Variants in NOVA2 observed in about 807,000 individuals in gnomAD.
NOVA2 encodes the protein RNA-binding protein Nova-2.
Under a neutral mutation model 22.5 loss-of-function variants are expected in NOVA2, and 9 were observed. The ratio of observed to expected loss-of-function variants is 0.40; its 90% CI spans 0.24 to 0.70. The LOEUF (loss-of-function observed/expected upper bound fraction) is 0.70. Among genes scored for constraint, NOVA2 ranks in the 30% least tolerant of loss-of-function variants. NOVA2 has a pLI of 0.38. For synonymous variants in NOVA2, 318 were observed against 335.2 expected (o/e 0.95, Z 0.56); for missense variants, 383 against 682.8 (o/e 0.56, Z 4.89).
At position 45,940,137 on chromosome 19, in the gene NOVA2, G is replaced by A. The variant is rs771417065; in HGVS notation, c.1205C>T (p.Ala402Val). ...GGFLTAEKLAAESAKELVEIA... is the reference protein window; with the variant it reads ...GGFLTAEKLAVESAKELVEIA... ...CTCCACCAGCTCCTTGGCACTCTCAGCCGCCAGCTTCTCCGCCGTCAGGAA... is the reference window on the plus strand; with the variant it reads ...CTCCACCAGCTCCTTGGCACTCTCAACCGCCAGCTTCTCCGCCGTCAGGAA... Residue 402 changes from alanine (A) to valine (V), a missense_variant, in exon 4 of 4, where the codon GCT (alanine) becomes GTT (valine). Ala to Val is a moderately conservative substitution (Grantham distance 64). Coordinates refer to ENST00000263257, the MANE Select transcript of NOVA2 (RefSeq NM_002516.4). 7 of 1,609,922 alleles carry A rather than the reference G, an allele frequency of 4.3e-6. No individual in the cohort carries two copies. Among genetic ancestry groups the A allele is most frequent in the Non-Finnish European group, 5.9e-6 (7 of 1,179,524 alleles).
intron 1 of NOVA2, 30 bp downstream of exon 1, chr19:45,973,236 TC>T (rs1478917886): frequency 3.7e-6 from 5 of 1,361,460 alleles, no homozygotes; most frequent in Admixed American, 2.5e-5. Flanking sequence ...CCCTGCCCGC[TC>T]CCCCGCCCCG....
Position 45,936,154 on chromosome 19 carries a change from A to T in NOVA2, c.*3709T>A, listed in dbSNP as rs1036966173. The T allele has an allele frequency of 1.1e-4, 16 of 151,924 alleles. No individual in the cohort carries two copies. Among genetic ancestry groups the T allele is most frequent in the Admixed American group, 6.6e-4 (10 of 15,240 alleles). 9.4% of individuals were successfully genotyped at this position (151,924 alleles called of 1,614,324 possible). A position where few individuals can be genotyped will look rare whatever the true frequency, so the allele number is the denominator to read the frequency against. On this transcript the variant is annotated 3_prime_UTR_variant, in exon 4 of 4. Coordinates refer to ENST00000263257, the MANE Select transcript of NOVA2 (RefSeq NM_002516.4). The stretch of plus-strand genomic sequence containing the variant: ...GAAGGAGGTTAATTTGGCACATCGA[A>T]CCCCCTCTTCTCATAGGAGCTTTGA...
intron 3 of NOVA2, among the ~76,000 whole-genome samples, chr19:45,948,787 A>T (rs1457186063): frequency 6.6e-6 from 1 of 152,134 alleles, no homozygotes; most frequent in Non-Finnish European, 1.5e-5. Context: ...CACCCTAGGT[A>T]TCTACCCGAG....
At position 45,939,854 on chromosome 19, in the gene NOVA2, C is replaced by A. The variant is rs543564984; in HGVS notation, c.*9G>T. The A allele has an allele frequency of 1.1e-5, 17 of 1,614,004 alleles. No homozygotes were observed. In the African/African-American group the frequency reaches 1.6e-4, roughly 15 times the overall value. ...GGAGAGAAAAGGGTGGGAGCACACA[C>A]CACAGGCCTCATCCCACTTTCTGGG... is the stretch of plus-strand genomic sequence containing the variant. On this transcript the variant is annotated 3_prime_UTR_variant, in exon 4 of 4. Coordinates refer to ENST00000263257, the MANE Select transcript of NOVA2 (RefSeq NM_002516.4).
At position 45,934,373 on chromosome 19, in the gene NOVA2, C is replaced by T. The variant is rs548996493; in HGVS notation, c.*5490G>A. The T allele has an allele frequency of 1.3e-5, 2 of 152,356 alleles. No homozygotes were observed. Among genetic ancestry groups the T allele is most frequent in the Non-Finnish European group, 1.5e-5 (1 of 68,036 alleles). The allele number at this position is 152,356 out of a possible 1,614,324, so 9.4% of individuals were successfully genotyped here. ...CCACCATTATCTCACTGAGGCTCCTCAGGGAAATTGGAGGATGAATCCATT... is the reference window on the plus strand; with the variant it reads ...CCACCATTATCTCACTGAGGCTCCTTAGGGAAATTGGAGGATGAATCCATT... On this transcript the variant is annotated 3_prime_UTR_variant, in exon 4 of 4. Transcript: ENST00000263257.
At position 45,940,799 on chromosome 19, in the gene NOVA2, C is replaced by T. The variant is rs1039905132; in HGVS notation, c.543G>A (p.Thr181=). The change falls in exon 4 of 4, where the codon ACG becomes ACA. Residue 181 remains threonine, a synonymous_variant. Transcript: ENST00000263257. ...GCACCTGCTCGGGCTCGCCGCTGAC[C>T]GTCACCACGCGCTCCTGCAGGTTGA... ...EGINLQERVV[T]VSGEPEQVHK... The T allele has an allele frequency of 2.5e-6, 4 of 1,606,684 alleles. No individual in the cohort carries two copies. The highest frequency in any genetic ancestry group is 1.7e-6 in the Non-Finnish European group (2 of 1,179,924).
At chr19:45,955,585 T>A (rs606451) in intron 2 of NOVA2, among the ~76,000 whole-genome samples, 107,056 of 151,800 alleles carry the variant, frequency 0.71, 38,940 homozygotes, top group South Asian at 0.86. Context: ...TGTGGCCGGG[T>A]GCGGTGGCTC....
chr19:45,961,070 G>A lies in NOVA2; in HGVS notation c.169C>T (p.Gln57Ter). 6.3e-7 allele frequency: 1 copy of A among 1,584,544 alleles called. No individual in the cohort carries two copies. Among genetic ancestry groups the A allele is most frequent in the Non-Finnish European group, 8.6e-7 (1 of 1,165,054 alleles). ...IIGKGGQTIV[Q>*]LQKETGATIK... The stretch of plus-strand genomic sequence containing the variant: ...GTGGCTCCGGTCTCCTTCTGCAGCT[G>A]CACGATGGTCTGCCCGCCCTTGCCA... The change falls in exon 2 of 4, where the codon CAG becomes TAG. Residue 57 changes from glutamine (Q) to a stop codon, truncating the protein, a stop_gained. Coordinates refer to ENST00000263257, the MANE Select transcript of NOVA2 (RefSeq NM_002516.4). LOFTEE classifies it high-confidence loss of function.
rs115401447 is a variant in NOVA2 at position 45,942,584 on chromosome 19, G to A, written c.397-1639C>T. ...AAGGCTTTTGTCTGAGAAGGCAGAC[G>A]TAAGTGGATGTCTTGGATGTCACAC... On this transcript the variant is annotated intron_variant, in intron 3 of 3. Transcript: ENST00000263257. 7.0e-3 allele frequency among the ~76,000 whole-genome samples: 1,061 copies of A among 152,254 alleles called. 15 individuals carry two copies. The highest frequency in any genetic ancestry group is 0.024 in the African/African-American group (1,004 of 41,538).
intron 3 of NOVA2, among the ~76,000 whole-genome samples, chr19:45,947,098 C>T (rs1292755103): frequency 1.3e-5 from 2 of 152,136 alleles, no homozygotes; most frequent in Non-Finnish European, 2.9e-5. Context: ...TAGTATTTTT[C>T]ACTCTCTAAC....
rs192278082 is a variant in NOVA2 at position 45,961,270 on chromosome 19, A to G, written c.86-117T>C. ...AGCAGTATGGAGAATAATACAAATAATGATCTTCATTCACTCATTCATTCA... is the reference window on the plus strand; with the variant it reads ...AGCAGTATGGAGAATAATACAAATAGTGATCTTCATTCACTCATTCATTCA... On this transcript the variant is annotated intron_variant, in intron 1 of 3. Transcript: ENST00000263257. The G allele has an allele frequency of 9.7e-5, 62 of 637,338 alleles. 1 individual carries two copies. In the Admixed American group the frequency reaches 1.7e-3, roughly 18 times the overall value. 39.5% of individuals were successfully genotyped at this position (637,338 alleles called of 1,614,324 possible).
intron 2 of NOVA2, among the ~76,000 whole-genome samples, chr19:45,957,403 G>A (rs980923331): frequency 3.3e-5 from 5 of 152,064 alleles, no homozygotes; most frequent in African/African-American, 1.2e-4. Context: ...GCTGGGCATG[G>A]TAATGGACGC....
chr19:45,958,550 A>C (rs113953403), intron 2 of NOVA2, among the ~76,000 whole-genome samples: 105 of 147,544 alleles, frequency 7.1e-4, no homozygotes, highest in Middle Eastern at 3.6e-3. Context: ...ACTGTGTGTA[A>C]GCGTGTGTGT....
At position 45,944,482 on chromosome 19, in the gene NOVA2, G is replaced by A. The variant is rs576251145; in HGVS notation, c.397-3537C>T. ...AAAAAACAAAAACAACAACAAAGAA[G>A]CAAAAAATAAAATTCATCTTGTTTT... On this transcript the variant is annotated intron_variant, in intron 3 of 3. Transcript: ENST00000263257. 7.2e-5 allele frequency among the ~76,000 whole-genome samples: 11 copies of A among 152,046 alleles called. No homozygotes were observed. The East Asian group carries it at 2.1e-3, about 29-fold the overall frequency.
At chr19:45,955,595 C>A (rs1048501360) in intron 2 of NOVA2, among the ~76,000 whole-genome samples, 3 of 152,006 alleles carry the variant, frequency 2.0e-5, no homozygotes, top group Admixed American at 1.3e-4. Context: ...TGCGGTGGCT[C>A]ACGCTTGAAA....
At chr19:45,958,415 TGTGA>T (rs1412509276) in intron 2 of NOVA2, among the ~76,000 whole-genome samples, 8 of 149,712 alleles carry the variant, frequency 5.3e-5, no homozygotes, top group Non-Finnish European at 7.4e-5. Context: ...GTGGGGTGTG[TGTGA>T]GTGTGAATGA....
chr19:45,942,982 T>C (rs1407312551), intron 3 of NOVA2, among the ~76,000 whole-genome samples: 1 of 151,644 alleles, frequency 6.6e-6, no homozygotes, highest in African/African-American at 2.4e-5. Context: ...GGGAGGACCA[T>C]AGGTGTCTGT....
At position 45,934,934 on chromosome 19, in the gene NOVA2, G is replaced by A. The variant is rs1967635588; in HGVS notation, c.*4929C>T. ...GGAGGAAAGGTAGCAACTGCCCCTA[G>A]CCTCCCCCCTCCCCCCTGCCGGACA... On this transcript the variant is annotated 3_prime_UTR_variant, in exon 4 of 4. Coordinates refer to ENST00000263257, the MANE Select transcript of NOVA2 (RefSeq NM_002516.4). 6.6e-6 allele frequency: 1 copy of A among 151,804 alleles called. No homozygotes were observed. The highest frequency in any genetic ancestry group is 2.4e-5 in the African/African-American group (1 of 41,274). The allele number at this position is 151,804 out of a possible 1,614,324, so 9.4% of individuals were successfully genotyped here.
At chr19:45,964,408 T>C (rs1193617295) in intron 1 of NOVA2, among the ~76,000 whole-genome samples, 1 of 144,742 alleles carries the variant, frequency 6.9e-6, no homozygotes, top group Non-Finnish European at 1.5e-5. Context: ...GTATTTTTAG[T>C]AGAGATGGGG....
Sources: allele counts gnomAD v4.1 joint callset (sites outside exome capture counted in the v4.1 genomes callset), GRCh38; gene constraint gnomAD v4.1.1; transcripts MANE v1.5; gene names NCBI Gene and HGNC (gene_info 2026-07-23, HGNC 2026-07-21).